Variants in DAB1 observed in about 807,000 individuals in gnomAD.
DAB1 encodes the protein DAB adaptor protein 1.
In DAB1, 15 loss-of-function variants were observed where a neutral mutation model predicts 64.6. The ratio of observed to expected loss-of-function variants is 0.23; its 90% confidence interval spans 0.16 to 0.36. The LOEUF is 0.36. Among genes scored for constraint, DAB1 ranks in the 10% least tolerant of loss-of-function variants. The probability of loss-of-function intolerance (pLI) is 1.00; values close to 1 mark genes in which losing one functional copy is unlikely to be tolerated. For synonymous variants in DAB1, 235 were observed against 251.9 expected, an observed-to-expected ratio of 0.93 and a Z score of 0.64; for missense variants, 596 against 706.7, an observed-to-expected ratio of 0.84 and a Z score of 1.78.
At chr1:57,682,063 G>C (rs944572169) in intron 6 of DAB1, among the ~76,000 whole-genome samples, 1 of 152,116 alleles carries the variant, frequency 6.6e-6, no homozygotes, top group Admixed American at 6.6e-5. Flanking sequence ...GGGGTGATTA[G>C]AGAGCTGAGG....
At chr1:57,522,101 CT>C (rs1241753989) in intron 7 of DAB1, among the ~76,000 whole-genome samples, 2 of 149,358 alleles carry the variant, frequency 1.3e-5, no homozygotes, top group Non-Finnish European at 2.9e-5. Context: ...CAGAGCGAGA[CT>C]CCATCTCAAA....
chr1:57,880,010 C>G (rs1350307161), intron 1 of DAB1: 1 of 152,122 alleles, frequency 6.6e-6, no homozygotes, highest in Non-Finnish European at 1.5e-5. Context: ...TTTCGCCCAC[C>G]CAACAGTTCC....
chr1:57,512,394 A>T (rs1644415811), intron 7 of DAB1, among the ~76,000 whole-genome samples: 1 of 152,248 alleles, frequency 6.6e-6, no homozygotes, highest in Non-Finnish European at 1.5e-5. Context: ...AAATATTTAT[A>T]GCCAGAAAGG....
At chr1:58,204,477 A>C (rs1278261773) in intron 4 of DAB1, among the ~76,000 whole-genome samples, 4 of 152,204 alleles carry the variant, frequency 2.6e-5, no homozygotes, top group African/African-American at 9.6e-5. Context: ...GGTGTTCCCC[A>C]GAAGCACCAG....
At chr1:57,471,238 C>A (rs1453616797) in intron 7 of DAB1, among the ~76,000 whole-genome samples, 1 of 152,212 alleles carries the variant, frequency 6.6e-6, no homozygotes, top group Admixed American at 6.5e-5. Context: ...CACCCAATTT[C>A]AAACCTATCT....
chr1:57,311,487 G>A (rs1208153907), intron 1 of DAB1, among the ~76,000 whole-genome samples: 1 of 151,498 alleles, frequency 6.6e-6, no homozygotes, highest in African/African-American at 2.4e-5. Flanking sequence ...GACTTAGAAT[G>A]ATAGGAGTTG....
chr1:58,470,458 G>A (rs1309017835), intron 3 of DAB1, among the ~76,000 whole-genome samples: 2 of 151,670 alleles, frequency 1.3e-5, no homozygotes, highest in African/African-American at 2.4e-5. Flanking sequence ...ATAGGCATGA[G>A]CCACCGCACC....
At chr1:58,351,664 G>A (rs182794311) in intron 3 of DAB1, among the ~76,000 whole-genome samples, 5 of 151,738 alleles carry the variant, frequency 3.3e-5, no homozygotes, top group African/African-American at 1.2e-4. Context: ...CCAAGAAGAC[G>A]CCCATGCCAA....
intron 1 of DAB1, among the ~76,000 whole-genome samples, chr1:57,840,252 T>C (rs1171323119): frequency 6.6e-6 from 1 of 152,172 alleles, no homozygotes; most frequent in African/African-American, 2.4e-5. Flanking sequence ...TCTAATACTA[T>C]GTAATCAGTG....
chr1:57,982,721 C>T (rs1252221687), intron 5 of DAB1, among the ~76,000 whole-genome samples: 2 of 152,184 alleles, frequency 1.3e-5, no homozygotes, highest in Admixed American at 1.3e-4. Context: ...TTTTCTCCTT[C>T]CATTCATTGC....
chr1:58,160,010 A>G (rs763630428), intron 4 of DAB1, among the ~76,000 whole-genome samples: 1 of 151,268 alleles, frequency 6.6e-6, no homozygotes, highest in African/African-American at 2.4e-5. Flanking sequence ...TTTTTTTCTT[A>G]AAGAGTTCTT....
At chr1:57,806,348 T>C (rs1203822935) in intron 6 of DAB1, among the ~76,000 whole-genome samples, 1 of 152,198 alleles carries the variant, frequency 6.6e-6, no homozygotes, top group African/African-American at 2.4e-5. Context: ...ATGAGGTCAT[T>C]AGGATAGAAC....
At chr1:57,544,884 C>T (rs1161885744) in intron 7 of DAB1, among the ~76,000 whole-genome samples, 3 of 152,196 alleles carry the variant, frequency 2.0e-5, no homozygotes, top group Non-Finnish European at 4.4e-5. Flanking sequence ...AGGCCTCCCC[C>T]GCCATGCGGA....
chr1:57,075,263 G>A (rs988969258), intron 4 of DAB1, among the ~76,000 whole-genome samples: 1 of 152,190 alleles, frequency 6.6e-6, no homozygotes. Context: ...AGATGGAGAT[G>A]TTTTAATTTA....
intron 6 of DAB1, among the ~76,000 whole-genome samples, chr1:57,711,277 A>G (rs773661788): frequency 6.6e-6 from 1 of 152,270 alleles, no homozygotes; most frequent in Non-Finnish European, 1.5e-5. Flanking sequence ...AAAGACAGCT[A>G]GCCAGTGAGG....
intron 4 of DAB1, among the ~76,000 whole-genome samples, chr1:57,112,059 T>C (rs1200947382): frequency 1.3e-5 from 2 of 152,224 alleles, no homozygotes; most frequent in African/African-American, 2.4e-5. Context: ...ATCTAACACA[T>C]AAAAGTCCGT....
intron 5 of DAB1, among the ~76,000 whole-genome samples, chr1:57,897,131 G>A (rs548170727): frequency 7.2e-5 from 11 of 152,294 alleles, no homozygotes; most frequent in Admixed American, 3.3e-4. Flanking sequence ...GGCAATTAGC[G>A]TAATCAGGAT....
At chr1:58,009,261 C>T (rs1189762726) in intron 5 of DAB1, among the ~76,000 whole-genome samples, 2 of 152,138 alleles carry the variant, frequency 1.3e-5, no homozygotes, top group African/African-American at 2.4e-5. Context: ...AAACCTAGTG[C>T]TCTTTCCACT....
intron 5 of DAB1, among the ~76,000 whole-genome samples, chr1:57,950,614 C>T (rs1301363862): frequency 6.8e-6 from 1 of 147,318 alleles, no homozygotes; most frequent in Non-Finnish European, 1.5e-5. Context: ...TCTGGATCTG[C>T]TTATGGTTCC....
Sources: gnomAD v4.1 joint callset for allele counts (sites outside exome capture counted in the v4.1 genomes callset) on GRCh38, gnomAD v4.1.1 for gene constraint, MANE v1.5 for transcripts, NCBI Gene and HGNC (gene_info 2026-07-23, HGNC 2026-07-21) for gene names.